Variants in TAOK3 observed in about 807,000 individuals in gnomAD.
The protein encoded by TAOK3 is serine/threonine-protein kinase TAO3.
A neutral mutation model predicts 120.4 loss-of-function variants in TAOK3; 40 were observed. The ratio of observed to expected loss-of-function variants is 0.33; its 90% CI spans 0.26 to 0.43. The LOEUF is 0.43. TAOK3 is among the 20% of genes least tolerant of loss of function. The pLI, the probability that TAOK3 is intolerant of heterozygous loss-of-function variation, is 1.00. For missense variants in TAOK3, 821 were observed against 1,112.1 expected, an observed-to-expected ratio of 0.74 and a Z score of 3.72; for synonymous variants, 355 against 387.5, an observed-to-expected ratio of 0.92 and a Z score of 0.99.
At chr12:118,294,322 A>G (rs1351247224) in intron 1 of TAOK3, among the ~76,000 whole-genome samples, 1 of 152,020 alleles carries the variant, frequency 6.6e-6, no homozygotes, top group Admixed American at 6.6e-5. Flanking sequence ...TCTCCTAGGC[A>G]AACACTGATC....
At chr12:118,167,947 A>G (rs887630062) in intron 17 of TAOK3, among the ~76,000 whole-genome samples, 5 of 152,134 alleles carry the variant, frequency 3.3e-5, no homozygotes, top group African/African-American at 1.2e-4. Context: ...TCAGCTCTTT[A>G]CCTACCTCAT....
At chr12:118,221,855 T>G (rs1429242560) in intron 9 of TAOK3, among the ~76,000 whole-genome samples, 1 of 151,040 alleles carries the variant, frequency 6.6e-6, no homozygotes, top group African/African-American at 2.4e-5. Context: ...AGGATGTTCT[T>G]GATCTCCTGA....
chr12:118,241,001 ATAT>A lies in TAOK3; in HGVS notation c.295-1732_295-1730del, dbSNP rs1291777834. 1.3e-4 allele frequency among the ~76,000 whole-genome samples: 20 copies of A among 149,390 alleles called. 1 individual carries two copies. The highest frequency in any genetic ancestry group is 4.2e-4 in the South Asian group (2 of 4,788). ...ATTATAAATATCAATATATATGAAC[ATAT>A]TATAAATATAAGTATACTGTGTCTA... On this transcript the variant is annotated intron_variant, in intron 5 of 20. Transcript: ENST00000392533.
intron 1 of TAOK3, chr12:118,296,950 A>C (rs902676144): frequency 6.6e-6 from 1 of 152,176 alleles, no homozygotes; most frequent in African/African-American, 2.4e-5. Flanking sequence ...ACCTGATTTG[A>C]CTGCCTTCAG....
chr12:118,361,617 C>T (rs2045602406), intron 1 of TAOK3, among the ~76,000 whole-genome samples: 1 of 151,998 alleles, frequency 6.6e-6, no homozygotes. Flanking sequence ...ACCACCACAT[C>T]CAGCTAATTT....
rs529317925 is a variant in TAOK3 at position 118,315,219 on chromosome 12, CCAG to C, written c.-193-48463_-193-48461del. 2.3e-3 allele frequency among the ~76,000 whole-genome samples: 357 copies of C among 152,202 alleles called. 1 individual carries two copies. Among genetic ancestry groups the C allele is most frequent in the African/African-American group, 8.1e-3 (338 of 41,512 alleles). ...GGATTACAGGCGTGAGCCACCACAC[CCAG>C]CAGAAAATTTTTCATAATGGTAAAA... On this transcript the variant is annotated intron_variant, in intron 1 of 20. Transcript: ENST00000392533.
chr12:118,261,194 C>T (rs61945217), intron 2 of TAOK3, among the ~76,000 whole-genome samples: 14,299 of 152,166 alleles, frequency 0.094, 859 homozygotes, highest in Non-Finnish European at 0.13. Flanking sequence ...AACATCTTCA[C>T]GTGGCCTACT....
At chr12:118,151,224 T>C in intron 20 of TAOK3, 66 bp from the exon 21 acceptor site, 1 of 1,558,194 alleles carries the variant, frequency 6.4e-7, no homozygotes, top group Non-Finnish European at 8.7e-7. Context: ...GTGCACGCGA[T>C]ACACCCATAG....
In TAOK3 at chr12:118,309,327, CAAAAAAAAAA is replaced by C. The variant is rs771231916; in HGVS notation, c.-193-42578_-193-42569del. Among the ~76,000 whole-genome samples the C allele has an allele frequency of 4.2e-5, 3 of 71,116 alleles. No individual in the cohort carries two copies. The East Asian group carries it at 1.2e-3, about 29-fold the overall frequency. 46.7% of individuals were successfully genotyped at this position (71,116 alleles called of 152,430 possible). Reference sequence around the variant, plus strand: ...CTGGGCAACAGAGTGAGACTGTCTCCAAAAAAAAAAAAAAAAAAAGCCAACCTTCTAGGGT... The same window carrying C: ...CTGGGCAACAGAGTGAGACTGTCTCCAAAAAAAAAGCCAACCTTCTAGGGT... On this transcript the variant is annotated intron_variant, in intron 1 of 20. Transcript: ENST00000392533.
At chr12:118,268,914 A>G (rs1267476236) in intron 1 of TAOK3, among the ~76,000 whole-genome samples, 3 of 152,056 alleles carry the variant, frequency 2.0e-5, no homozygotes, top group Non-Finnish European at 4.4e-5. Flanking sequence ...CAGCTGAGGC[A>G]GGAGAATCGC....
intron 1 of TAOK3, among the ~76,000 whole-genome samples, chr12:118,323,260 A>T (rs955627405): frequency 6.6e-6 from 1 of 152,186 alleles, no homozygotes; most frequent in African/African-American, 2.4e-5. Flanking sequence ...CAATGAAACA[A>T]CAGGGTCTCA....
chr12:118,249,430 C>T (rs1450550407), intron 3 of TAOK3, among the ~76,000 whole-genome samples: 1 of 151,860 alleles, frequency 6.6e-6, no homozygotes, highest in African/African-American at 2.4e-5. Flanking sequence ...GGCGTGGTGG[C>T]ACACGTCTGT....
At chr12:118,362,124 G>A (rs930301861) in intron 1 of TAOK3, among the ~76,000 whole-genome samples, 6 of 151,994 alleles carry the variant, frequency 3.9e-5, no homozygotes, top group African/African-American at 1.5e-4. Context: ...AATATTTATT[G>A]TGCAACTACT....
chr12:118,165,402 T>C (rs1040956933), intron 17 of TAOK3, among the ~76,000 whole-genome samples: 1 of 152,194 alleles, frequency 6.6e-6, no homozygotes, highest in African/African-American at 2.4e-5. Flanking sequence ...CATGGGCTCT[T>C]GACACAAAGC....
chr12:118,241,544 C>G (rs1424587623), intron 5 of TAOK3, among the ~76,000 whole-genome samples: 1 of 152,132 alleles, frequency 6.6e-6, no homozygotes, highest in Non-Finnish European at 1.5e-5. Context: ...ATTTTTGTCA[C>G]AAATATTTTT....
In TAOK3 at chr12:118,324,998, G is replaced by A. The variant is rs564638378; in HGVS notation, c.-194+47650C>T. Among the ~76,000 whole-genome samples, 176 of 151,920 alleles carry A rather than the reference G, an allele frequency of 1.2e-3. 1 individual carries two copies. The highest frequency in any genetic ancestry group is 3.9e-3 in the African/African-American group (160 of 41,466). ...CCTGACCTTGTGATCCGCCCGCCTC[G>A]GCCTCCCAAAGTGCTGGGATTACAG... On this transcript the variant is annotated intron_variant, in intron 1 of 20. Coordinates refer to ENST00000392533, the MANE Select transcript of TAOK3 (RefSeq NM_016281.4).
rs538686702 is a variant in TAOK3 at position 118,289,721 on chromosome 12, G to A, written c.-193-22962C>T. Among the ~76,000 whole-genome samples the A allele has an allele frequency of 2.6e-4, 40 of 152,204 alleles. No individual in the cohort carries two copies. In the South Asian group the frequency reaches 6.6e-3, roughly 25 times the overall value. On this transcript the variant is annotated intron_variant, in intron 1 of 20. Transcript: ENST00000392533. ...AGAAACAGAATGAACCTGGCCAGGC[G>A]TGGTGGCTCACAGCTATAATCCCAG...
chr12:118,209,161 C>T (rs545024208), intron 11 of TAOK3, among the ~76,000 whole-genome samples: 2 of 152,136 alleles, frequency 1.3e-5, no homozygotes, highest in African/African-American at 2.4e-5. Flanking sequence ...ATTATGGAGC[C>T]ATTAAAAAGA....
At chr12:118,168,943 A>C (rs1206298218) in intron 17 of TAOK3, among the ~76,000 whole-genome samples, 2 of 150,868 alleles carry the variant, frequency 1.3e-5, no homozygotes, top group Non-Finnish European at 2.9e-5. Context: ...GCAGTACTGA[A>C]TCAGCTTGCT....
Sources: gnomAD v4.1 joint callset for allele counts (sites outside exome capture counted in the v4.1 genomes callset) on GRCh38, gnomAD v4.1.1 for gene constraint, MANE v1.5 for transcripts, NCBI Gene and HGNC (gene_info 2026-07-23, HGNC 2026-07-21) for gene names.